The following RINL variants were observed in gnomAD, a reference collection of about 807,000 sequenced individuals.
The protein encoded by RINL is ras and Rab interactor-like protein.
RINL carries 39 observed loss-of-function variants against 58.1 expected under a neutral mutation model. The ratio of observed to expected loss-of-function variants is 0.67; its 90% confidence interval spans 0.52 to 0.88. The LOEUF (loss-of-function observed/expected upper bound fraction) is 0.88, where lower values mean the gene tolerates loss of function less well. Among genes scored for constraint, RINL ranks in the 40% least tolerant of loss-of-function variants. The pLI is 0.00. For missense variants in RINL, 711 were observed against 749.2 expected (o/e 0.95, Z 0.60); for synonymous variants, 286 against 323.1 (o/e 0.89, Z 1.23).
Position 38,869,707 on chromosome 19 carries a change from G to A in RINL, c.1343-3C>T. On this transcript the variant is annotated splice_region_variant and splice_polypyrimidine_tract_variant and intron_variant, in intron 9 of 11. Coordinates refer to ENST00000591812, the MANE Select transcript of RINL (RefSeq NM_001195833.2). This position sits in a 1 kb window ranked among gnomAD's most constrained non-coding sequence, Gnocchi z 5.7. ...GAAGGCGTCGGCCCCCAGGGGATCT[G>A]GGAAAACCAGAGGAAAGGTCTTGAG... 2 of 1,613,566 alleles carry A rather than the reference G, an allele frequency of 1.2e-6. No homozygotes were observed. The highest frequency in any genetic ancestry group is 8.5e-7 in the Non-Finnish European group (1 of 1,179,980).
chr19:38,871,325 G>A (rs1265569725), intron 6 of RINL, 98 bp from the exon 7 acceptor site: 1 of 1,389,086 alleles, frequency 7.2e-7, no homozygotes, highest in African/African-American at 1.4e-5. Flanking sequence ...CTTCATTGCT[G>A]GAGGTGCTGA....
chr19:38,876,254 G>A, intron 3 of RINL, 77 bp downstream of exon 3: 1 of 1,407,552 alleles, frequency 7.1e-7, no homozygotes, highest in Non-Finnish European at 9.5e-7. Flanking sequence ...TGCCCAATTT[G>A]TGTCATGTTT....
In RINL at chr19:38,870,782, C is replaced by T. The variant is rs746507237; in HGVS notation, c.812G>A (p.Ser271Asn). The change falls in exon 8 of 12, where the codon AGC (serine) becomes AAC (asparagine). Residue 271 changes from serine to asparagine, a missense_variant. Physicochemically the swap from Ser to Asn is conservative, Grantham distance 46. Coordinates refer to ENST00000591812, the MANE Select transcript of RINL (RefSeq NM_001195833.2). The surrounding 1 kb of genome is among the most constrained non-coding windows in gnomAD (Gnocchi z 5.8). Reference sequence around the variant, plus strand: ...TCGGTACTGCCTGGCCACGTAGCTGCTCCGGGCCCTGACCAGAGACTGGAC... The same window carrying T: ...TCGGTACTGCCTGGCCACGTAGCTGTTCCGGGCCCTGACCAGAGACTGGAC... ...IHVQSLVRAR[S>N]SYVARQYRSL... The T allele has an allele frequency of 3.1e-6, 5 of 1,612,682 alleles. No homozygotes were observed. The highest frequency in any genetic ancestry group is 1.7e-5 in the Admixed American group (1 of 60,002).
Position 38,868,338 on chromosome 19 carries a change from G to C in RINL, c.*766C>G, listed in dbSNP as rs1013267940. 6.6e-6 allele frequency: 1 copy of C among 151,586 alleles called. No homozygotes were observed. Among genetic ancestry groups the C allele is most frequent in the East Asian group, 1.9e-4 (1 of 5,134 alleles). 9.4% of individuals were successfully genotyped at this position (151,586 alleles called of 1,614,324 possible). A position where few individuals can be genotyped will look rare whatever the true frequency, so the allele number is the denominator to read the frequency against. ...TGTTAGCATGTGATACATTCTTTGG[G>C]AAAAACGATCACAATTGGGCACGGT... is the stretch of plus-strand genomic sequence containing the variant. On this transcript the variant is annotated 3_prime_UTR_variant, in exon 12 of 12. Transcript: ENST00000591812.
chr19:38,871,391 C>T, intron 6 of RINL, 164 bp from the exon 7 acceptor site: 1 of 773,058 alleles, frequency 1.3e-6, no homozygotes, highest in Non-Finnish European at 2.0e-6. Context: ...CCCTAGTCCC[C>T]TTCTCACTTA....
intron 1 of RINL, among the ~76,000 whole-genome samples, chr19:38,877,413 G>A (rs1241039284): frequency 6.6e-6 from 1 of 152,184 alleles, no homozygotes; most frequent in Non-Finnish European, 1.5e-5. Context: ...GTCAGCGCCT[G>A]GAAAAGTTCT....
At chr19:38,872,214 G>C (rs908261775) in intron 4 of RINL, among the ~76,000 whole-genome samples, 1 of 152,178 alleles carries the variant, frequency 6.6e-6, no homozygotes, top group African/African-American at 2.4e-5. Context: ...GTCAGGGTAC[G>C]GTGGCTCACG....
intron 3 of RINL, among the ~76,000 whole-genome samples, chr19:38,875,998 T>C (rs1160009088): frequency 1.3e-5 from 2 of 151,702 alleles, no homozygotes; most frequent in Non-Finnish European, 1.5e-5. Flanking sequence ...AGCCAAGAAA[T>C]GGGATGAAGA....
intron 7 of RINL, 31 bp downstream of exon 7, chr19:38,871,047 C>T: frequency 6.3e-7 from 1 of 1,579,496 alleles, no homozygotes; most frequent in Non-Finnish European, 8.6e-7. Flanking sequence ...GCTCCCTCCC[C>T]TTCAGAGGCC....
chr19:38,877,630 C>G (rs1205472850), intron 1 of RINL, among the ~76,000 whole-genome samples: 1 of 152,214 alleles, frequency 6.6e-6, no homozygotes, highest in Non-Finnish European at 1.5e-5. Flanking sequence ...ACTCATCTTG[C>G]TTTATCACAC....
chr19:38,874,332 G>T (rs1972875274), intron 3 of RINL, among the ~76,000 whole-genome samples: 1 of 152,006 alleles, frequency 6.6e-6, no homozygotes, highest in South Asian at 2.1e-4. Flanking sequence ...GAGTGCAGTG[G>T]CACAATCTCT....
Position 38,870,659 on chromosome 19 carries a change from T to A in RINL, c.935A>T (p.Asp312Val), listed in dbSNP as rs1263589115. The part of the protein sequence containing the change: ...LLQDVRHLLT[D>V]LQDHLAKDSY... ...GTCCTTTGCCAGGTGATCCTGGAGG[T>A]CAGTAAGGAGGTGCCGCACATCCTG... The change falls in exon 8 of 12, where the codon GAC becomes GTC. Residue 312 changes from aspartate (D) to valine (V), a missense_variant. Coordinates refer to ENST00000591812, the MANE Select transcript of RINL (RefSeq NM_001195833.2). The surrounding 1 kb of genome is among the most constrained non-coding windows in gnomAD (Gnocchi z 5.8). 1 of 1,613,356 alleles carries A rather than the reference T, an allele frequency of 6.2e-7. No homozygotes were observed. The highest frequency in any genetic ancestry group is 8.5e-7 in the Non-Finnish European group (1 of 1,179,756).
intron 4 of RINL, 40 bp downstream of exon 4, chr19:38,873,846 C>A: frequency 1.6e-6 from 2 of 1,251,950 alleles, no homozygotes; most frequent in Admixed American, 2.0e-5. Context: ...TCTTAGTGAT[C>A]AATTGACTGT....
At chr19:38,876,085 G>C (rs190914973) in intron 3 of RINL, among the ~76,000 whole-genome samples, 22 of 148,806 alleles carry the variant, frequency 1.5e-4, no homozygotes, top group African/African-American at 5.5e-4. Flanking sequence ...TTTTAGACAG[G>C]GTCTTGCTCC....
At chr19:38,876,658 G>A (rs1162972169) in intron 2 of RINL, 35 bp downstream of exon 2, 3 of 1,521,484 alleles carry the variant, frequency 2.0e-6, no homozygotes, top group Non-Finnish European at 1.8e-6. Context: ...GGATGCAGGG[G>A]AAGGAGGGCA....
intron 1 of RINL, among the ~76,000 whole-genome samples, chr19:38,877,845 A>G (rs1382307540): frequency 6.6e-6 from 1 of 152,050 alleles, no homozygotes; most frequent in Non-Finnish European, 1.5e-5. Context: ...TACTGAATAC[A>G]GGCTGGAATT....
chr19:38,877,215 G>A (rs1457969204), intron 1 of RINL, among the ~76,000 whole-genome samples: 1 of 152,140 alleles, frequency 6.6e-6, no homozygotes, highest in Admixed American at 6.5e-5. Context: ...ACACCCGGCC[G>A]GCAGGGGTTA....
At chr19:38,875,214 CTTTTTT>C (rs968872594) in intron 3 of RINL, among the ~76,000 whole-genome samples, 2 of 129,314 alleles carry the variant, frequency 1.5e-5, no homozygotes, top group East Asian at 2.3e-4. Flanking sequence ...TTTCTTTTTT[CTTTTTT>C]TTTTTTTTTT....
At position 38,870,389 on chromosome 19, in the gene RINL, G is replaced by T; in HGVS notation, c.1025-129C>A. ...TCTGGTCCCCCGTGAGTGTAGACAT[G>T]GTTGTGAACATGTGTGGAAGAGTTA... On this transcript the variant is annotated intron_variant, in intron 8 of 11. Transcript: ENST00000591812. This position sits in a 1 kb window ranked among gnomAD's most constrained non-coding sequence, Gnocchi z 5.8. 1 of 1,034,462 alleles carries T rather than the reference G, an allele frequency of 9.7e-7. No individual in the cohort carries two copies. Among genetic ancestry groups the T allele is most frequent in the Non-Finnish European group, 1.3e-6 (1 of 742,392 alleles). 64.1% of individuals were successfully genotyped at this position (1,034,462 alleles called of 1,614,324 possible).
Sources: allele counts gnomAD v4.1 joint callset (sites outside exome capture counted in the v4.1 genomes callset), GRCh38; gene constraint gnomAD v4.1.1; non-coding constraint Gnocchi (gnomAD v3.1); transcripts MANE v1.5; gene names NCBI Gene and HGNC (gene_info 2026-07-23, HGNC 2026-07-21).